Variants in GIGYF1 observed in about 807,000 individuals in gnomAD.
GIGYF1 encodes GRB10-interacting GYF protein 1.
GIGYF1 carries 84 observed loss-of-function variants against 147.1 expected under a neutral mutation model. The observed-to-expected ratio is 0.57, with a 90% CI of 0.48 to 0.68. The LOEUF is 0.68. Among genes scored for constraint, GIGYF1 ranks in the 30% least tolerant of loss-of-function variants. The probability of loss-of-function intolerance (pLI) is 0.00; values close to 1 mark genes in which losing one functional copy is unlikely to be tolerated. For missense variants in GIGYF1, 1,485 were observed against 1,393.7 expected (o/e 1.07, Z -1.04); for synonymous variants, 752 against 589.5 (o/e 1.28, Z -3.99).
chr7:100,685,314 C>G, intron 13 of GIGYF1, 30 bp downstream of exon 13: 3 of 1,566,510 alleles, frequency 1.9e-6, no homozygotes, highest in African/African-American at 2.7e-5. Context: ...CCCCAGCGCA[C>G]CCGGGAGGTA....
In GIGYF1 at chr7:100,683,830, A is replaced by C. The variant is rs1322565357; in HGVS notation, c.1957T>G (p.Ser653Ala). The C allele has an allele frequency of 1.3e-6, 2 of 1,573,630 alleles. No individual in the cohort carries two copies. The highest frequency in any genetic ancestry group is 2.3e-5 in the South Asian group (2 of 87,524). ...GRLWDVHTSA[S>A]SQSGGEASLW... ...TCAGGCCACACACCTGACTGTGATGAGGCTGAGGTATGTACGTCCCAGAGG... is the reference window on the plus strand; with the variant it reads ...TCAGGCCACACACCTGACTGTGATGCGGCTGAGGTATGTACGTCCCAGAGG... Residue 653 changes from serine to alanine, a missense_variant, in exon 19 of 27, where the codon TCA becomes GCA. Coordinates refer to ENST00000678049, the MANE Select transcript of GIGYF1 (RefSeq NM_001375765.1).
Position 100,687,882 on chromosome 7 carries a change from A to G in GIGYF1, c.167T>C (p.Val56Ala). 1 of 1,613,496 alleles carries G rather than the reference A, an allele frequency of 6.2e-7. No individual in the cohort carries two copies. Among genetic ancestry groups the G allele is most frequent in the Non-Finnish European group, 8.5e-7 (1 of 1,179,972 alleles). The change falls in exon 6 of 27, where the codon GTC (valine) becomes GCC (alanine). Residue 56 changes from valine to alanine, a missense_variant and splice_region_variant. Val to Ala is a moderately conservative substitution (Grantham distance 64, BLOSUM62 0). Coordinates refer to ENST00000678049, the MANE Select transcript of GIGYF1 (RefSeq NM_001375765.1). ...CTCCTTGTCCTGCAGCTCTTCCGGG[A>G]CCTGGCAGTGGGTTGGGACAGCCAA... ...MLALYVKENK[V>A]PEELQDKEFA...
Position 100,687,986 on chromosome 7 carries a change from T to C in GIGYF1, c.160A>G (p.Asn54Asp), listed in dbSNP as rs1299887693. 2.5e-6 allele frequency: 4 copies of C among 1,612,084 alleles called. No homozygotes were observed. Among genetic ancestry groups the C allele is most frequent in the Non-Finnish European group, 3.4e-6 (4 of 1,178,706 alleles). Residue 54 changes from asparagine (N) to aspartate (D), a missense_variant, in exon 5 of 27, where the codon AAC (asparagine) becomes GAC (aspartate). Transcript: ENST00000678049. ...CCCCTCGCCCACGCACCCACCTTGT[T>C]CTCCTTGACGTAGAGAGCCAGCATT... ...EEMLALYVKE[N>D]KVPEELQDKE...
In GIGYF1 at chr7:100,682,483, C is replaced by G; in HGVS notation, c.2601-1G>C. On this transcript the variant is annotated splice_acceptor_variant, in intron 23 of 26. Coordinates refer to ENST00000678049, the MANE Select transcript of GIGYF1 (RefSeq NM_001375765.1). LOFTEE classifies it high-confidence loss of function. ...ACCCGATAGGTGGCTGTATGAGTCA[C>G]TGAAGGGGGAGGGTGAGTCAGGGTT... The G allele has an allele frequency of 6.2e-7, 1 of 1,611,382 alleles. No homozygotes were observed. Among genetic ancestry groups the G allele is most frequent in the African/African-American group, 1.3e-5 (1 of 75,058 alleles).
chr7:100,690,393 A>G (rs1805732455), intron 1 of GIGYF1, among the ~76,000 whole-genome samples: 1 of 152,206 alleles, frequency 6.6e-6, no homozygotes, highest in Non-Finnish European at 1.5e-5. Context: ...CTATAATCCC[A>G]GCACTGTGGG....
In GIGYF1 at chr7:100,682,392, C is replaced by T. The variant is rs779843761; in HGVS notation, c.2691G>A (p.Arg897=). 2 of 1,613,746 alleles carry T rather than the reference C, an allele frequency of 1.2e-6. No homozygotes were observed. The highest frequency in any genetic ancestry group is 2.2e-5 in the East Asian group (1 of 44,880). ...ACCACTGGGTGAAGCCGTCCTGGGG[C>T]CTGGGAATGCCCTGCAGCAGCTTCA... ...KLLKLLQGIP[R]PQDGFTQWCE... The change falls in exon 24 of 27, where the codon AGG becomes AGA. Residue 897 remains arginine, a synonymous_variant. Coordinates refer to ENST00000678049, the MANE Select transcript of GIGYF1 (RefSeq NM_001375765.1).
intron 1 of GIGYF1, 101 bp from the exon 2 acceptor site, chr7:100,689,656 A>C (rs1364643158): frequency 6.6e-6 from 1 of 152,306 alleles, no homozygotes; most frequent in Non-Finnish European, 1.5e-5. Flanking sequence ...GCCTGCTCAG[A>C]GTCCAGGCAC....
At position 100,688,468 on chromosome 7, in the gene GIGYF1, C is replaced by T; in HGVS notation, c.-87G>A. 7.2e-6 allele frequency: 5 copies of T among 694,522 alleles called. No individual in the cohort carries two copies. The highest frequency in any genetic ancestry group is 1.5e-5 in the South Asian group (1 of 66,616). The allele number at this position is 694,522 out of a possible 1,614,324, so 43.0% of individuals were successfully genotyped here. On this transcript the variant is annotated 5_prime_UTR_variant, in exon 3 of 27. Coordinates refer to ENST00000678049, the MANE Select transcript of GIGYF1 (RefSeq NM_001375765.1). ...GGACTCACCTGAGCCAGCCACGTGG[C>T]CACTCACACCATGAGTTACCCAGAG...
rs748975907 is a variant in GIGYF1, at chr7:100,684,167, G to C, written c.1731-10C>G. 2 of 1,609,138 alleles carry C rather than the reference G, an allele frequency of 1.2e-6. No individual in the cohort carries two copies. Among genetic ancestry groups the C allele is most frequent in the Admixed American group, 1.7e-5 (1 of 59,954 alleles). On this transcript the variant is annotated splice_polypyrimidine_tract_variant and intron_variant, in intron 17 of 26. Coordinates refer to ENST00000678049, the MANE Select transcript of GIGYF1 (RefSeq NM_001375765.1). Reference sequence around the variant, plus strand: ...CTGTGGGAGCTGGCGGCTGCAAATGGGACAGTGGAGATGGTGGGCCACAGA... The same window carrying C: ...CTGTGGGAGCTGGCGGCTGCAAATGCGACAGTGGAGATGGTGGGCCACAGA...
chr7:100,686,159 CCCTCGCCT>C lies in GIGYF1; in HGVS notation c.948+13_948+20del. ...AGGACCCCGGAAGGGCAGGTTCCCA[CCCTCGCCT>C]CCTCACAGATACCTTGAGAGGCAAG... On this transcript the variant is annotated intron_variant, in intron 11 of 26. Coordinates refer to ENST00000678049, the MANE Select transcript of GIGYF1 (RefSeq NM_001375765.1). 1 of 1,602,632 alleles carries C rather than the reference CCCTCGCCT, an allele frequency of 6.2e-7. No homozygotes were observed. The highest frequency in any genetic ancestry group is 8.5e-7 in the Non-Finnish European group (1 of 1,173,030).
chr7:100,680,196 C>T lies in GIGYF1; in HGVS notation c.*1523G>A, dbSNP rs998416778. 3.9e-5 allele frequency: 5 copies of T among 126,854 alleles called. No individual in the cohort carries two copies. The highest frequency in any genetic ancestry group is 1.5e-4 in the African/African-American group (5 of 33,346). The allele number at this position is 126,854 out of a possible 1,614,324, so 7.9% of individuals were successfully genotyped here. ...AAAAAAAAAAAAAAAAAAAATCCAA[C>T]AACAGAAAACCAAACACCATCTTTC... On this transcript the variant is annotated 3_prime_UTR_variant, in exon 27 of 27. Transcript: ENST00000678049.
rs1562880962 is a variant in GIGYF1 at position 100,686,824 on chromosome 7, G to C, written c.524-5C>G. 1.2e-6 allele frequency: 2 copies of C among 1,613,690 alleles called. No individual in the cohort carries two copies. The highest frequency in any genetic ancestry group is 1.7e-6 in the Non-Finnish European group (2 of 1,179,822). On this transcript the variant is annotated splice_region_variant and splice_polypyrimidine_tract_variant and intron_variant, in intron 9 of 26. Transcript: ENST00000678049. ...CCTCCTCAAAGCCACATCGTGCTGG[G>C]AGACGGGAAGACAGGGGCAGTTATT...
rs151055198 is a variant in GIGYF1 at position 100,683,632 on chromosome 7, C to T, written c.1970G>A (p.Gly657Asp). The change falls in exon 20 of 27, where the codon GGT (glycine) becomes GAT (aspartate). Residue 657 changes from glycine to aspartate, a missense_variant and splice_region_variant. Coordinates refer to ENST00000678049, the MANE Select transcript of GIGYF1 (RefSeq NM_001375765.1). ...DVHTSASSQS[G>D]GEASLWDIPI... ...TATGTCCCAAAGACTGGCCTCACCA[C>T]CTGCAGGGGGCAGGGGGGCAGAGGC... The T allele has an allele frequency of 6.2e-7, 1 of 1,613,944 alleles. No individual in the cohort carries two copies. Among genetic ancestry groups the T allele is most frequent in the African/African-American group, 1.3e-5 (1 of 74,950 alleles).
rs937244058 is a variant in GIGYF1, at chr7:100,679,877, G to C, written c.*1842C>G. The C allele has an allele frequency of 2.0e-5, 3 of 152,616 alleles. No individual in the cohort carries two copies. The highest frequency in any genetic ancestry group is 2.9e-5 in the Non-Finnish European group (2 of 68,062). The allele number at this position is 152,616 out of a possible 1,614,324, so 9.5% of individuals were successfully genotyped here. ...TAAGTCCAAAGTCTCTTTAGCTGGG[G>C]AGAAGAGACAGGAAGAGTGTCCCCC... On this transcript the variant is annotated 3_prime_UTR_variant, in exon 27 of 27. Coordinates refer to ENST00000678049, the MANE Select transcript of GIGYF1 (RefSeq NM_001375765.1).
intron 10 of GIGYF1, 47 bp from the exon 11 acceptor site, chr7:100,686,480 G>T: frequency 6.5e-7 from 1 of 1,540,856 alleles, no homozygotes. Context: ...CCCAAGCGAA[G>T]CCAGCGGCCC....
intron 6 of GIGYF1, 63 bp downstream of exon 6, chr7:100,687,725 C>G (rs1030891325): frequency 6.4e-7 from 1 of 1,565,860 alleles, no homozygotes; most frequent in Admixed American, 1.7e-5. Context: ...CCCTCTCCTC[C>G]TAACCCAACC....
In GIGYF1 at chr7:100,679,604, CTG is replaced by C. The variant is rs1269202069; in HGVS notation, c.*2113_*2114del. ...ACAGGGTGGAGAGGGGGCGGGGAGA[CTG>C]TGGGTACAAGGCAGACAGGGAACAC... On this transcript the variant is annotated 3_prime_UTR_variant, in exon 27 of 27. Coordinates refer to ENST00000678049, the MANE Select transcript of GIGYF1 (RefSeq NM_001375765.1). The C allele has an allele frequency of 4.6e-5, 7 of 152,808 alleles. No homozygotes were observed. Among genetic ancestry groups the C allele is most frequent in the African/African-American group, 1.4e-4 (6 of 41,504 alleles). 9.5% of individuals were successfully genotyped at this position (152,808 alleles called of 1,614,324 possible).
At chr7:100,683,489 C>T in intron 20 of GIGYF1, 45 bp from the exon 21 acceptor site, 1 of 1,614,122 alleles carries the variant, frequency 6.2e-7, no homozygotes, top group South Asian at 1.1e-5. Flanking sequence ...AGGGGACAGC[C>T]TGGGGCCTGC....
chr7:100,685,350 C>T lies in GIGYF1; in HGVS notation c.1186G>A (p.Ala396Thr). ...DETAEKEPPA[A>T]EDDIRGIQLS... ...GGCCATCCTCCCTTCCTACCTTCGG[C>T]CGCTGGGGGCTCTTTCTCTGCAGTT... The change falls in exon 13 of 27, where the codon GCC becomes ACC. Residue 396 changes from alanine to threonine, a missense_variant. Physicochemically the swap from Ala to Thr is moderately conservative, Grantham distance 58 (BLOSUM62 0). Coordinates refer to ENST00000678049, the MANE Select transcript of GIGYF1 (RefSeq NM_001375765.1). 1.3e-6 allele frequency: 2 copies of T among 1,596,422 alleles called. No homozygotes were observed. Among genetic ancestry groups the T allele is most frequent in the Non-Finnish European group, 1.7e-6 (2 of 1,174,702 alleles).
Sources: gnomAD v4.1 joint callset for allele counts (sites outside exome capture counted in the v4.1 genomes callset) on GRCh38, gnomAD v4.1.1 for gene constraint, MANE v1.5 for transcripts, NCBI Gene and HGNC (gene_info 2026-07-23, HGNC 2026-07-21) for gene names.